The following PHKA2 variants were observed in gnomAD, a reference collection of about 807,000 sequenced individuals.
PHKA2 encodes phosphorylase kinase regulatory subunit alpha 2.
Under a neutral mutation model 102.0 loss-of-function variants are expected in PHKA2, and 31 were observed. That is an observed-to-expected ratio of 0.30 (90% CI 0.23 to 0.41). PHKA2 has a LOEUF of 0.41. PHKA2 is among the 10% of genes least tolerant of loss of function. The probability of loss-of-function intolerance (pLI) is 1.00; values close to 1 mark genes in which losing one functional copy is unlikely to be tolerated. For missense variants in PHKA2, 858 were observed against 1,023.1 expected, an observed-to-expected ratio of 0.84 and a Z score of 2.20; for synonymous variants, 455 against 416.2, an observed-to-expected ratio of 1.09 and a Z score of -1.13.
chrX:18,908,022 G>A lies in PHKA2; in HGVS notation c.2395C>T (p.His799Tyr). ...AGAAGGTTTTGAACGGTGACCCCGT[G>A]CTGTCCAGAGAGATTTGTGTCCCAG... ...PSWDTNLSGQ[H>Y]GVTVQNLLGE... Residue 799 changes from histidine (H) to tyrosine (Y), a missense_variant, in exon 22 of 33, where the codon CAC (histidine) becomes TAC (tyrosine). Physicochemically the swap from His to Tyr is moderately conservative, Grantham distance 83. Transcript: ENST00000379942. 1 of 1,211,288 alleles carries A rather than the reference G, an allele frequency of 8.3e-7. No individual in the cohort carries two copies. Among genetic ancestry groups the A allele is most frequent in the Non-Finnish European group, 1.1e-6 (1 of 894,908 alleles).
At chrX:18,926,261 C>T (rs1351549695) in intron 14 of PHKA2, among the ~76,000 whole-genome samples, 192 bp downstream of exon 14, 5 of 112,742 alleles carry the variant, frequency 4.4e-5, no homozygotes, top group East Asian at 2.8e-4. Flanking sequence ...CCACCTGTGA[C>T]GGTGCCCACT....
intron 1 of PHKA2, among the ~76,000 whole-genome samples, chrX:18,983,074 G>A (rs2049199488): frequency 8.9e-6 from 1 of 112,013 alleles, no homozygotes. Context: ...TTGCAGGTCA[G>A]GCCTCTAACC....
intron 10 of PHKA2, 81 bp downstream of exon 10, chrX:18,938,546 G>A (rs1253631498): frequency 1.0e-6 from 1 of 1,001,220 alleles, no homozygotes; most frequent in African/African-American, 1.9e-5. Context: ...CTAAATTCTT[G>A]CATAACCCTA....
Position 18,893,216 on chromosome X carries a change from C to T in PHKA2, c.*269G>A. ...CAATTCCTCCTCAGAGTCCGTGAGA[C>T]CAGATGCTACAGCAAATGTTCCAGA... On this transcript the variant is annotated 3_prime_UTR_variant, in exon 33 of 33. Coordinates refer to ENST00000379942, the MANE Select transcript of PHKA2 (RefSeq NM_000292.3). 2 of 406,519 alleles carry T rather than the reference C, an allele frequency of 4.9e-6. No individual in the cohort carries two copies. Among genetic ancestry groups the T allele is most frequent in the Non-Finnish European group, 4.3e-6 (1 of 230,717 alleles). The allele number at this position is 406,519 out of a possible 1,213,427, so 33.5% of individuals were successfully genotyped here. A position where few individuals can be genotyped will look rare whatever the true frequency, so the allele number is the denominator to read the frequency against.
At chrX:18,896,701 C>T (rs1301324476) in intron 30 of PHKA2, 1 of 187,478 alleles carries the variant, frequency 5.3e-6, no homozygotes, top group Non-Finnish European at 9.9e-6. Flanking sequence ...ATTCCAGGTT[C>T]CAGGCCTGTA....
At position 18,954,272 on chromosome X, in the gene PHKA2, C is replaced by G. The variant is rs1364148132; in HGVS notation, c.219G>C (p.Lys73Asn). The change falls in exon 2 of 33, where the codon AAG (lysine) becomes AAC (asparagine). Residue 73 changes from lysine (K) to asparagine (N), a missense_variant. Around this residue, in one of 2 missense-constraint regions of PHKA2, gnomAD observed 187 missense variants for 277.9 expected, o/e 0.67. Coordinates refer to ENST00000379942, the MANE Select transcript of PHKA2 (RefSeq NM_000292.3). ...CTATTACCTGCTCCAGCTCGTAGGC[C>G]TTGGCCTTGTCCTCATCGCGGTCTG... Reference protein sequence around the residue: ...KNADRDEDKAKAYELEQNVVK... With the variant: ...KNADRDEDKANAYELEQNVVK... 8.3e-7 allele frequency: 1 copy of G among 1,212,073 alleles called. No individual in the cohort carries two copies. The highest frequency in any genetic ancestry group is 2.2e-5 in the Admixed American group (1 of 46,113).
intron 1 of PHKA2, among the ~76,000 whole-genome samples, chrX:18,974,472 T>C (rs2148036998): frequency 8.9e-6 from 1 of 112,302 alleles, no homozygotes; most frequent in East Asian, 2.8e-4. Flanking sequence ...ACTCATCTGA[T>C]TACTTCCTCC....
At chrX:18,947,099 T>A (rs1164621071) in intron 5 of PHKA2, among the ~76,000 whole-genome samples, 1 of 112,048 alleles carries the variant, frequency 8.9e-6, no homozygotes, top group Non-Finnish European at 1.9e-5. Flanking sequence ...GTTTCCCACC[T>A]ATTTTTGCAA....
intron 11 of PHKA2, among the ~76,000 whole-genome samples, chrX:18,932,037 T>C (rs2048324568): frequency 8.9e-6 from 1 of 112,538 alleles, no homozygotes; most frequent in Non-Finnish European, 1.9e-5. Flanking sequence ...CGCACAGCTC[T>C]GGCCATGAGA....
chrX:18,925,592 A>G, intron 15 of PHKA2, 76 bp downstream of exon 15: 1 of 597,552 alleles, frequency 1.7e-6, no homozygotes, highest in Non-Finnish European at 3.0e-6. Flanking sequence ...GAATTCTGTC[A>G]TATTCACAGG....
At chrX:18,945,835 C>T (rs1287935320) in intron 5 of PHKA2, among the ~76,000 whole-genome samples, 1 of 112,420 alleles carries the variant, frequency 8.9e-6, no homozygotes, top group Non-Finnish European at 1.9e-5. Context: ...TCTATGTGTA[C>T]TACTGAAAGC....
intron 12 of PHKA2, among the ~76,000 whole-genome samples, chrX:18,931,176 G>A (rs1326093080): frequency 8.9e-6 from 1 of 112,535 alleles, no homozygotes; most frequent in Non-Finnish European, 1.9e-5. Flanking sequence ...GGCAACACCT[G>A]ACACAAAATT....
intron 11 of PHKA2, among the ~76,000 whole-genome samples, chrX:18,932,158 CTG>C (rs1237522618): frequency 8.9e-6 from 1 of 112,224 alleles, no homozygotes; most frequent in African/African-American, 3.2e-5. Context: ...GGTTTATAAA[CTG>C]TGCGCCTAAT....
At chrX:18,897,974 C>T (rs2047605600) in intron 29 of PHKA2, 3 of 113,809 alleles carry the variant, frequency 2.6e-5, no homozygotes, top group Admixed American at 9.1e-5. Flanking sequence ...CACTTCATTG[C>T]TGCAGTGCCA....
intron 8 of PHKA2, among the ~76,000 whole-genome samples, chrX:18,941,223 G>A (rs747389125): frequency 2.7e-5 from 3 of 110,495 alleles, no homozygotes; most frequent in African/African-American, 9.9e-5. Context: ...TTTTTTTTCT[G>A]GCAGTGACTC....
intron 29 of PHKA2, chrX:18,897,644 G>A: frequency 3.1e-6 from 1 of 319,353 alleles, no homozygotes; most frequent in South Asian, 5.2e-5. Flanking sequence ...GACTGCCGGA[G>A]TGCTAATCCC....
At chrX:18,958,322 G>T (rs958675573) in intron 1 of PHKA2, among the ~76,000 whole-genome samples, 1 of 110,990 alleles carries the variant, frequency 9.0e-6, no homozygotes, top group Non-Finnish European at 1.9e-5. Flanking sequence ...GAAGATACCT[G>T]TAATAATGGG....
At chrX:18,961,113 C>A (rs1262641704) in intron 1 of PHKA2, among the ~76,000 whole-genome samples, 1 of 112,072 alleles carries the variant, frequency 8.9e-6, no homozygotes, top group Non-Finnish European at 1.9e-5. Context: ...CTTTCTGGCA[C>A]AATCTGAAAC....
chrX:18,894,461 T>C (rs2047495613), intron 31 of PHKA2, 57 bp from the exon 32 acceptor site: 7 of 1,020,088 alleles, frequency 6.9e-6, no homozygotes, highest in Non-Finnish European at 9.6e-6. Flanking sequence ...GCCCTATCAA[T>C]CAATCACCGA....
Sources: gnomAD v4.1 joint callset for allele counts (sites outside exome capture counted in the v4.1 genomes callset) on GRCh38, gnomAD v4.1.1 for gene constraint, gnomAD v4.1.1 regional missense constraint, MANE v1.5 for transcripts, NCBI Gene and HGNC (gene_info 2026-07-23, HGNC 2026-07-21) for gene names.